FSTL4: variants seen among roughly 807,000 people sequenced by gnomAD.
The protein encoded by FSTL4 is follistatin like 4.
FSTL4 carries 28 observed loss-of-function variants against 78.2 expected under a neutral mutation model. The observed-to-expected ratio is 0.36, with a 90% CI of 0.27 to 0.49. FSTL4 has a LOEUF of 0.49. Among genes scored for constraint, FSTL4 ranks in the 20% least tolerant of loss-of-function variants. FSTL4 has a pLI of 0.98. For missense variants in FSTL4, 922 were observed against 1,084.9 expected (o/e 0.85, Z 2.11); for synonymous variants, 422 against 440.5 (o/e 0.96, Z 0.53).
intron 3 of FSTL4, among the ~76,000 whole-genome samples, chr5:133,481,341 G>C (rs1758023459): frequency 6.6e-6 from 1 of 152,052 alleles, no homozygotes; most frequent in Non-Finnish European, 1.5e-5. Context: ...AGGAGTTTGA[G>C]ACCAGCCTGG....
At chr5:133,582,295 G>C (rs748291117) in intron 2 of FSTL4, among the ~76,000 whole-genome samples, 2 of 152,156 alleles carry the variant, frequency 1.3e-5, no homozygotes, top group African/African-American at 4.8e-5. Flanking sequence ...CCAGACCCCC[G>C]GCACTGGGTC....
chr5:133,768,605 C>A, the FSTL4 span, among the ~76,000 whole-genome samples: 1 of 152,162 alleles, frequency 6.6e-6, no homozygotes, highest in Non-Finnish European at 1.5e-5. Flanking sequence ...CATCACCTGC[C>A]ATTGCTTCAG....
At chr5:133,552,580 T>G (rs1249977173) in intron 3 of FSTL4, among the ~76,000 whole-genome samples, 1 of 152,214 alleles carries the variant, frequency 6.6e-6, no homozygotes, top group East Asian at 1.9e-4. Context: ...ATTGAAATAT[T>G]TTTATGTTTA....
At chr5:133,567,739 A>G (rs1283009128) in intron 2 of FSTL4, among the ~76,000 whole-genome samples, 3 of 152,356 alleles carry the variant, frequency 2.0e-5, no homozygotes, top group Admixed American at 2.0e-4. Flanking sequence ...GATCCTATGA[A>G]CAATTTGGAT....
the FSTL4 span, among the ~76,000 whole-genome samples, chr5:133,832,971 T>A: frequency 6.6e-6 from 1 of 152,222 alleles, no homozygotes; most frequent in Non-Finnish European, 1.5e-5. Flanking sequence ...TTTTGTTTTT[T>A]TAACCATTTT....
chr5:133,562,453 C>A (rs1388948696), intron 3 of FSTL4, among the ~76,000 whole-genome samples: 1 of 152,136 alleles, frequency 6.6e-6, no homozygotes, highest in Non-Finnish European at 1.5e-5. Flanking sequence ...AAGTGAGGCT[C>A]TAGTTTCACA....
chr5:133,742,952 C>T, the FSTL4 span, among the ~76,000 whole-genome samples: 181 of 152,116 alleles, frequency 1.2e-3, 1 homozygote, highest in Non-Finnish European at 2.1e-3. Flanking sequence ...AAGTCATCCC[C>T]GGGTGTGACT....
At chr5:133,731,749 G>GCAT in the FSTL4 span, among the ~76,000 whole-genome samples, 1 of 152,162 alleles carries the variant, frequency 6.6e-6, no homozygotes, top group Non-Finnish European at 1.5e-5. Flanking sequence ...GAGTCACAGA[G>GCAT]CATCCCCCAA....
chr5:133,631,724 A>G, the FSTL4 span, among the ~76,000 whole-genome samples: 2 of 152,198 alleles, frequency 1.3e-5, no homozygotes, highest in Non-Finnish European at 2.9e-5. Context: ...CACTATTCAC[A>G]ATAGCAAATA....
At chr5:133,393,372 A>T (rs753751168) in intron 4 of FSTL4, among the ~76,000 whole-genome samples, 2 of 152,140 alleles carry the variant, frequency 1.3e-5, no homozygotes, top group African/African-American at 2.4e-5. Flanking sequence ...CGGTGTTCTG[A>T]TCATACTGGT....
At chr5:133,687,142 C>T in the FSTL4 span, among the ~76,000 whole-genome samples, 2 of 152,088 alleles carry the variant, frequency 1.3e-5, no homozygotes, top group Non-Finnish European at 2.9e-5. Context: ...GACTGAGGAC[C>T]CCACATGTCA....
At chr5:133,491,693 C>G (rs552149591) in intron 3 of FSTL4, among the ~76,000 whole-genome samples, 1 of 152,076 alleles carries the variant, frequency 6.6e-6, no homozygotes, top group Admixed American at 6.6e-5. Context: ...TGAGCCACTG[C>G]GCCTGGCCTA....
the FSTL4 span, among the ~76,000 whole-genome samples, chr5:133,626,594 C>A: frequency 6.6e-6 from 1 of 151,330 alleles, no homozygotes; most frequent in East Asian, 1.9e-4. Context: ...TTCTCATTTT[C>A]GTTCAGTTTA....
intron 2 of FSTL4, among the ~76,000 whole-genome samples, chr5:133,574,386 G>C (rs576640361): frequency 6.6e-6 from 1 of 152,290 alleles, no homozygotes; most frequent in Non-Finnish European, 1.5e-5. Flanking sequence ...TTTCCTCATT[G>C]GTCTGAGTCC....
At chr5:133,808,037 C>T in the FSTL4 span, among the ~76,000 whole-genome samples, 1 of 152,196 alleles carries the variant, frequency 6.6e-6, no homozygotes, top group Non-Finnish European at 1.5e-5. Flanking sequence ...AAGGGGAGTT[C>T]ATCTGCACGA....
intron 1 of FSTL4, among the ~76,000 whole-genome samples, chr5:133,609,519 A>G (rs1761045959): frequency 6.6e-6 from 1 of 152,208 alleles, no homozygotes; most frequent in Non-Finnish European, 1.5e-5. Flanking sequence ...GTTTTAGAAA[A>G]AAAGAAAGTG....
chr5:133,406,440 G>T (rs1191481148), intron 3 of FSTL4, among the ~76,000 whole-genome samples: 1 of 152,188 alleles, frequency 6.6e-6, no homozygotes, highest in Non-Finnish European at 1.5e-5. Flanking sequence ...GCTGAAAGAG[G>T]TCTATCCTCT....
the FSTL4 span, among the ~76,000 whole-genome samples, chr5:133,624,992 T>G: frequency 3.3e-5 from 5 of 151,928 alleles, no homozygotes; most frequent in East Asian, 9.6e-4. Context: ...TCTTGGTATA[T>G]AATTCTTTTT....
intron 13 of FSTL4, among the ~76,000 whole-genome samples, chr5:133,216,174 C>G (rs1750899140): frequency 6.6e-6 from 1 of 152,186 alleles, no homozygotes; most frequent in African/African-American, 2.4e-5. Flanking sequence ...CAGAAAGAAT[C>G]TATCAGAAAG....
Sources: allele counts gnomAD v4.1 joint callset (sites outside exome capture counted in the v4.1 genomes callset), GRCh38; gene constraint gnomAD v4.1.1; transcripts MANE v1.5; gene names NCBI Gene and HGNC (gene_info 2026-07-23, HGNC 2026-07-21).